The following ACAA1 variants were observed in gnomAD, a reference collection of about 807,000 sequenced individuals.
ACAA1 encodes the protein 3-ketoacyl-CoA thiolase, peroxisomal.
A neutral mutation model predicts 48.8 loss-of-function variants in ACAA1; 44 were observed. The observed-to-expected ratio is 0.90, with a 90% CI of 0.71 to 1.16. The LOEUF is 1.16. Ranked by LOEUF, ACAA1 falls within the 50% of genes most tolerant of loss-of-function variation. The pLI, the probability that ACAA1 is intolerant of heterozygous loss-of-function variation, is 0.00. For synonymous variants in ACAA1, 233 were observed against 226.5 expected (o/e 1.03, Z -0.26); for missense variants, 512 against 562.3 (o/e 0.91, Z 0.90).
intron 6 of ACAA1, 51 bp from the exon 7 acceptor site, chr3:38,127,917 A>T: frequency 6.3e-7 from 1 of 1,587,860 alleles, no homozygotes; most frequent in East Asian, 2.2e-5. Context: ...AGCCTAGAGG[A>T]AGGGACCAGG....
intron 3 of ACAA1, 200 bp from the exon 4 acceptor site, chr3:38,132,205 C>G (rs1288451871): frequency 2.3e-6 from 1 of 437,966 alleles, no homozygotes; most frequent in East Asian, 4.2e-5. Flanking sequence ...TCTGCAGGCA[C>G]TTGCTCCCCA....
chr3:38,123,200 T>G, intron 11 of ACAA1, 78 bp from the exon 12 acceptor site: 1 of 1,411,246 alleles, frequency 7.1e-7, no homozygotes, highest in Non-Finnish European at 1.0e-6. Context: ...CAGAAGGACG[T>G]CATGGACAAG....
intron 5 of ACAA1, among the ~76,000 whole-genome samples, chr3:38,131,213 G>A (rs1177307153): frequency 6.6e-6 from 1 of 152,208 alleles, no homozygotes; most frequent in African/African-American, 2.4e-5. Flanking sequence ...TAGTTATACA[G>A]TAGGCGCTGT....
intron 2 of ACAA1, among the ~76,000 whole-genome samples, chr3:38,136,043 T>G (rs1700885085): frequency 6.6e-6 from 1 of 152,210 alleles, no homozygotes; most frequent in African/African-American, 2.4e-5. Context: ...AGAATGGCGA[T>G]GACTTTTACC....
intron 5 of ACAA1, among the ~76,000 whole-genome samples, chr3:38,130,188 G>A (rs1255545490): frequency 6.6e-6 from 1 of 152,234 alleles, no homozygotes; most frequent in Non-Finnish European, 1.5e-5. Flanking sequence ...GAGGCCATGG[G>A]GGACCCTAAC....
chr3:38,127,904 G>C lies in ACAA1; in HGVS notation c.546-38C>G, dbSNP rs769810106. On this transcript the variant is annotated intron_variant, in intron 6 of 11. Coordinates refer to ENST00000333167, the MANE Select transcript of ACAA1 (RefSeq NM_001607.4). ...CAGCAGATAGTGTGGGCATTGGTCT[G>C]ACAGCCTAGAGGAAGGGACCAGGCT... 26 of 1,607,444 alleles carry C rather than the reference G, an allele frequency of 1.6e-5. No homozygotes were observed. The East Asian group carries it at 4.5e-4, about 28-fold the overall frequency.
intron 6 of ACAA1, 134 bp from the exon 7 acceptor site, chr3:38,128,000 C>T (rs1416506608): frequency 5.1e-6 from 4 of 791,858 alleles, no homozygotes; most frequent in Non-Finnish European, 8.8e-6. Flanking sequence ...CAGTCCATGC[C>T]ACAGACAGTA....
intron 2 of ACAA1, among the ~76,000 whole-genome samples, chr3:38,135,032 TG>T (rs1553627659): frequency 6.6e-6 from 1 of 152,176 alleles, no homozygotes; most frequent in Non-Finnish European, 1.5e-5. Context: ...GCCCTGTGGC[TG>T]GAAGCGAAAT....
chr3:38,136,977 A>T lies in ACAA1; in HGVS notation c.59T>A (p.Met20Lys). Residue 20 changes from methionine (M) to lysine (K), a missense_variant, in exon 1 of 12, where the codon ATG becomes AAG. Physicochemically the swap from Met to Lys is moderately conservative, Grantham distance 95. Coordinates refer to ENST00000333167, the MANE Select transcript of ACAA1 (RefSeq NM_001607.4). ...HLRGPADSGW[M>K]PQAAPCLSGA... is the part of the protein sequence containing the mutation. Reference sequence around the variant, plus strand: ...GCTCAGGCAAGGCGCGGCCTGCGGCATCCAGCCGGAATCGGCCGGACCCCT... The same window carrying T: ...GCTCAGGCAAGGCGCGGCCTGCGGCTTCCAGCCGGAATCGGCCGGACCCCT... 6.4e-7 allele frequency: 1 copy of T among 1,559,226 alleles called. No individual in the cohort carries two copies. Among genetic ancestry groups the T allele is most frequent in the Non-Finnish European group, 8.7e-7 (1 of 1,154,238 alleles).
chr3:38,133,908 AGT>A (rs1403268760), intron 3 of ACAA1, 42 bp downstream of exon 3: 12 of 1,604,876 alleles, frequency 7.5e-6, no homozygotes, highest in Non-Finnish European at 9.4e-6. Flanking sequence ...GGCCCAGTAA[AGT>A]GTCAAAATGG....
In ACAA1 at chr3:38,129,559, G is replaced by A. The variant is rs1263223536; in HGVS notation, c.447-171C>T. Among the ~76,000 whole-genome samples, 3 of 152,196 alleles carry A rather than the reference G, an allele frequency of 2.0e-5. No individual in the cohort carries two copies. Among genetic ancestry groups the A allele is most frequent in the Non-Finnish European group, 2.9e-5 (2 of 68,040 alleles). ...CACTTGGCCAGCAAGGCCCAGCCACGAGTACTGAGCCCTGTCTCTATTTCG... is the reference window on the plus strand; with the variant it reads ...CACTTGGCCAGCAAGGCCCAGCCACAAGTACTGAGCCCTGTCTCTATTTCG... On this transcript the variant is annotated intron_variant, in intron 5 of 11. Coordinates refer to ENST00000333167, the MANE Select transcript of ACAA1 (RefSeq NM_001607.4). The surrounding 1 kb of genome is among the most constrained non-coding windows in gnomAD (Gnocchi z 5.3).
In ACAA1 at chr3:38,125,690, C is replaced by T. The variant is rs1205642523; in HGVS notation, c.1074G>A (p.Lys358=). The T allele has an allele frequency of 1.2e-6, 2 of 1,602,818 alleles. No homozygotes were observed. The highest frequency in any genetic ancestry group is 8.5e-7 in the Non-Finnish European group (1 of 1,173,470). The change falls in exon 11 of 12, where the codon AAG becomes AAA. Residue 358 remains lysine, a synonymous_variant. Coordinates refer to ENST00000333167, the MANE Select transcript of ACAA1 (RefSeq NM_001607.4). ...FASQAAYCVE[K]LRLPPEKVNP... ...TCACCTTCTCAGGGGGGAGTCGTAG[C>T]TTCTCCACACAGTAGGCAGCCTGGA...
chr3:38,127,803 G>A lies in ACAA1; in HGVS notation c.609C>T (p.Ala203=), dbSNP rs745894511. The change falls in exon 7 of 12, where the codon GCC becomes GCT. Residue 203 remains alanine (A), a synonymous_variant. Coordinates refer to ENST00000333167, the MANE Select transcript of ACAA1 (RefSeq NM_001607.4). ...GISREKQDTF[A]LASQQKAARA... ...GCACTCACTTCTGCTGGGAAGCCAG[G>A]GCAAAGGTATCCTGCTTCTCCCGTG... 6.2e-7 allele frequency: 1 copy of A among 1,614,128 alleles called. No homozygotes were observed. The highest frequency in any genetic ancestry group is 1.1e-5 in the South Asian group (1 of 91,082).
At chr3:38,130,528 A>T (rs1485194847) in intron 5 of ACAA1, among the ~76,000 whole-genome samples, 1 of 152,224 alleles carries the variant, frequency 6.6e-6, no homozygotes, top group Non-Finnish European at 1.5e-5. Flanking sequence ...TGCTGATCAA[A>T]GTCTATGGAG....
rs766171603 is a variant in ACAA1 at position 38,131,935 on chromosome 3, T to C, written c.394A>G (p.Ser132Gly). ...CCCAGTCATAACTTACCTGCTATGC[T>C]GGCCACTGCCTGTAGCCCCGACGAA... ...QCSSGLQAVA[S>G]IAGGIRNGSY... is the part of the protein sequence containing the mutation. Residue 132 changes from serine (S) to glycine (G), a missense_variant, in exon 4 of 12, where the codon AGC becomes GGC. By Grantham distance (56) the Ser-to-Gly change is moderately conservative (BLOSUM62 0). Coordinates refer to ENST00000333167, the MANE Select transcript of ACAA1 (RefSeq NM_001607.4). 8 of 1,613,862 alleles carry C rather than the reference T, an allele frequency of 5.0e-6. 1 individual carries two copies. The South Asian group carries it at 8.8e-5, about 18-fold the overall frequency.
Position 38,125,890 on chromosome 3 carries a change from A to G in ACAA1, c.998-9T>C. 2 of 1,614,162 alleles carry G rather than the reference A, an allele frequency of 1.2e-6. No homozygotes were observed. Among genetic ancestry groups the G allele is most frequent in the Middle Eastern group, 1.6e-4 (1 of 6,062 alleles). On this transcript the variant is annotated splice_polypyrimidine_tract_variant and intron_variant, in intron 9 of 11. Coordinates refer to ENST00000333167, the MANE Select transcript of ACAA1 (RefSeq NM_001607.4). ...GTCACTCACTGTCAGCCCTGCAGACAAGGTAAAGACCTGAGCTGACACACT... is the reference window on the plus strand; with the variant it reads ...GTCACTCACTGTCAGCCCTGCAGACGAGGTAAAGACCTGAGCTGACACACT...
At chr3:38,132,096 A>C in intron 3 of ACAA1, 91 bp from the exon 4 acceptor site, 1 of 1,106,486 alleles carries the variant, frequency 9.0e-7, no homozygotes, top group African/African-American at 1.5e-5. Flanking sequence ...TGCCCCCCTC[A>C]AGGGATGTAA....
At position 38,122,815 on chromosome 3, in the gene ACAA1, G is replaced by C; in HGVS notation, c.*232C>G. 1.1e-6 allele frequency: 1 copy of C among 921,462 alleles called. No individual in the cohort carries two copies. Among genetic ancestry groups the C allele is most frequent in the Non-Finnish European group, 1.6e-6 (1 of 636,350 alleles). 57.1% of individuals were successfully genotyped at this position (921,462 alleles called of 1,614,324 possible). ...CCTTGTGGCCTGGGTGACCCAGGCT[G>C]CTTTTATCTTGCACAGCTAAAGAGG... On this transcript the variant is annotated 3_prime_UTR_variant, in exon 12 of 12. Transcript: ENST00000333167.
At position 38,127,876 on chromosome 3, in the gene ACAA1, A is replaced by C; in HGVS notation, c.546-10T>G. 2.5e-6 allele frequency: 4 copies of C among 1,613,876 alleles called. No individual in the cohort carries two copies. Among genetic ancestry groups the C allele is most frequent in the Non-Finnish European group, 3.4e-6 (4 of 1,179,746 alleles). On this transcript the variant is annotated splice_polypyrimidine_tract_variant and intron_variant, in intron 6 of 11. Transcript: ENST00000333167. ...ATTCTCAGAGGTTATCCTAGAACAC[A>C]AACAGCAGATAGTGTGGGCATTGGT...
Sources: gnomAD v4.1 joint callset for allele counts (sites outside exome capture counted in the v4.1 genomes callset) on GRCh38, gnomAD v4.1.1 for gene constraint, Gnocchi (gnomAD v3.1) non-coding constraint, MANE v1.5 for transcripts, NCBI Gene and HGNC (gene_info 2026-07-23, HGNC 2026-07-21) for gene names.